CHURC1: variants seen among roughly 807,000 people sequenced by gnomAD.
The protein encoded by CHURC1 is protein Churchill.
In CHURC1, 12 loss-of-function variants were observed where a neutral mutation model predicts 15.4. The observed-to-expected ratio is 0.78, with a 90% confidence interval of 0.50 to 1.27. CHURC1 has a LOEUF of 1.27. CHURC1 is among the 50% of genes most tolerant of loss of function. CHURC1 has a pLI of 0.00. For missense variants in CHURC1, 132 were observed against 137.8 expected, an observed-to-expected ratio of 0.96 and a Z score of 0.21; for synonymous variants, 42 against 47.5, an observed-to-expected ratio of 0.88 and a Z score of 0.48.
chr14:64,922,526 C>T (rs958059863), intron 1 of CHURC1, among the ~76,000 whole-genome samples: 3 of 144,602 alleles, frequency 2.1e-5, no homozygotes, highest in East Asian at 4.0e-4. Context: ...TGCAGTGAGC[C>T]GAGAGTGTGC....
At chr14:64,923,598 T>G (rs1287933681) in intron 1 of CHURC1, among the ~76,000 whole-genome samples, 1 of 152,092 alleles carries the variant, frequency 6.6e-6, no homozygotes, top group African/African-American at 2.4e-5. Flanking sequence ...CTATTTTGAT[T>G]GAATTTAATT....
Position 64,933,699 on chromosome 14 carries a change from C to T in CHURC1, c.*1469C>T, listed in dbSNP as rs935926510. On this transcript the variant is annotated 3_prime_UTR_variant, in exon 4 of 4. Transcript: ENST00000549115. Reference sequence around the variant, plus strand: ...TGAGACCTAAATTTAAAGGGTCAGGCATTAGAAACAAAAGTGTTTCTTCAT... The same window carrying T: ...TGAGACCTAAATTTAAAGGGTCAGGTATTAGAAACAAAAGTGTTTCTTCAT... The T allele has an allele frequency of 3.0e-6, 3 of 985,240 alleles. No homozygotes were observed. The African/African-American group carries it at 5.2e-5, about 17-fold the overall frequency. 61.0% of individuals were successfully genotyped at this position (985,240 alleles called of 1,614,324 possible). A position where few individuals can be genotyped will look rare whatever the true frequency, so the allele number is the denominator to read the frequency against.
At position 64,914,554 on chromosome 14, in the gene CHURC1, C is replaced by T; in HGVS notation, c.39+20C>T. The T allele has an allele frequency of 6.2e-7, 1 of 1,614,036 alleles. No homozygotes were observed. The highest frequency in any genetic ancestry group is 8.5e-7 in the Non-Finnish European group (1 of 1,179,892). On this transcript the variant is annotated intron_variant, in intron 1 of 3. Transcript: ENST00000549115. ...AACCGGGTGAGCGACTGGGCGCTCC[C>T]TTGGCCCGCGGGCGGCCCCCGAGGT...
intron 3 of CHURC1, among the ~76,000 whole-genome samples, chr14:64,926,689 T>C (rs1028646017): frequency 6.6e-6 from 1 of 152,218 alleles, no homozygotes; most frequent in Admixed American, 6.5e-5. Flanking sequence ...TGCAGTCTCA[T>C]TTGTGGTAAG....
At chr14:64,930,691 T>G in intron 3 of CHURC1, 1 of 379,594 alleles carries the variant, frequency 2.6e-6, no homozygotes, top group South Asian at 2.0e-5. Context: ...AGGCACTCAG[T>G]ATAAATTTGT....
At chr14:64,926,405 T>C (rs1473169038) in intron 3 of CHURC1, among the ~76,000 whole-genome samples, 1 of 152,162 alleles carries the variant, frequency 6.6e-6, no homozygotes, top group Non-Finnish European at 1.5e-5. Context: ...GGTGGATTTG[T>C]GTAAACCTGT....
At position 64,932,531 on chromosome 14, in the gene CHURC1, T is replaced by G; in HGVS notation, c.*301T>G. 1 of 1,026,320 alleles carries G rather than the reference T, an allele frequency of 9.7e-7. No individual in the cohort carries two copies. The highest frequency in any genetic ancestry group is 1.2e-6 in the Non-Finnish European group (1 of 841,288). 63.6% of individuals were successfully genotyped at this position (1,026,320 alleles called of 1,614,324 possible). On this transcript the variant is annotated 3_prime_UTR_variant, in exon 4 of 4. Transcript: ENST00000549115. ...CTGGTGCCCAGATTTTGGTTTCCAA[T>G]AAAAGGAACCAGGACTCCTTAGAAA...
intron 3 of CHURC1, among the ~76,000 whole-genome samples, chr14:64,927,944 T>C (rs187857376): frequency 6.6e-6 from 1 of 152,110 alleles, no homozygotes; most frequent in East Asian, 1.9e-4. Flanking sequence ...GTGACCTCAT[T>C]GGCCTTCCCA....
At position 64,932,120 on chromosome 14, in the gene CHURC1, C is replaced by T. The variant is rs1183882896; in HGVS notation, c.247-18C>T. On this transcript the variant is annotated intron_variant, in intron 3 of 3. Transcript: ENST00000549115. ...TTCCCTGTTCCTCTAGGTAATTATG[C>T]ACTTTATCTTGTTCTAGGAGTATAC... 3.1e-6 allele frequency: 5 copies of T among 1,604,960 alleles called. No homozygotes were observed. Among genetic ancestry groups the T allele is most frequent in the Non-Finnish European group, 4.3e-6 (5 of 1,174,452 alleles).
At chr14:64,925,547 G>A (rs181406178) in intron 2 of CHURC1, among the ~76,000 whole-genome samples, 10 of 152,014 alleles carry the variant, frequency 6.6e-5, no homozygotes, top group Middle Eastern at 3.4e-3. Flanking sequence ...GTTGGCACAT[G>A]TCTTGAGCCT....
At chr14:64,927,732 T>TCCCCCC (rs1566830855) in intron 3 of CHURC1, among the ~76,000 whole-genome samples, 16 of 106,648 alleles carry the variant, frequency 1.5e-4, no homozygotes, top group Non-Finnish European at 2.1e-4. Context: ...CCCCCCGCCG[T>TCCCCCC]CAATTCATAC....
chr14:64,932,299 C>T lies in CHURC1; in HGVS notation c.*69C>T. ...CAATACAGCAAGCCTGATGGTTTGT[C>T]TTATTTCATTCATACTGAAAATTCT... On this transcript the variant is annotated 3_prime_UTR_variant, in exon 4 of 4. Coordinates refer to ENST00000549115, the MANE Select transcript of CHURC1 (RefSeq NM_001386928.1). 1.3e-6 allele frequency: 2 copies of T among 1,561,250 alleles called. No homozygotes were observed. Among genetic ancestry groups the T allele is most frequent in the Non-Finnish European group, 1.7e-6 (2 of 1,150,108 alleles).
At chr14:64,917,584 A>C (rs1332974032) in intron 1 of CHURC1, among the ~76,000 whole-genome samples, 2 of 152,258 alleles carry the variant, frequency 1.3e-5, no homozygotes, top group Admixed American at 6.5e-5. Flanking sequence ...AACAAACAAA[A>C]AAAAACCACC....
chr14:64,933,574 A>G lies in CHURC1; in HGVS notation c.*1344A>G, dbSNP rs1382158897. The G allele has an allele frequency of 3.1e-6, 3 of 975,250 alleles. No homozygotes were observed. The African/African-American group carries it at 5.3e-5, about 17-fold the overall frequency. 60.4% of individuals were successfully genotyped at this position (975,250 alleles called of 1,614,324 possible). On this transcript the variant is annotated 3_prime_UTR_variant, in exon 4 of 4. Transcript: ENST00000549115. The stretch of plus-strand genomic sequence containing the variant: ...AAAATTGATATAATACATTCATCAC[A>G]GTATTGTTAGGAGATTTAAATGAAT...
In CHURC1 at chr14:64,933,621, G is replaced by C; in HGVS notation, c.*1391G>C. On this transcript the variant is annotated 3_prime_UTR_variant, in exon 4 of 4. Transcript: ENST00000549115. ...GAATTAGTGAATGTAAGATACTTTA[G>C]AAAGCATGTAAAGTACTAGAAACAA... 3.0e-6 allele frequency: 3 copies of C among 984,454 alleles called. No homozygotes were observed. Among genetic ancestry groups the C allele is most frequent in the Non-Finnish European group, 3.6e-6 (3 of 829,028 alleles). 61.0% of individuals were successfully genotyped at this position (984,454 alleles called of 1,614,324 possible). A position where few individuals can be genotyped will look rare whatever the true frequency, so the allele number is the denominator to read the frequency against.
Position 64,932,143 on chromosome 14 carries a change from TAC to T in CHURC1, c.253_254del (p.Thr85HisfsTer18). 1 of 1,613,728 alleles carries T rather than the reference TAC, an allele frequency of 6.2e-7. No individual in the cohort carries two copies. Among genetic ancestry groups the T allele is most frequent in the South Asian group, 1.1e-5 (1 of 91,040 alleles). ...FSIMDEFQEY[T>X]MLCLLCGKAE... ...TGCACTTTATCTTGTTCTAGGAGTATACCATGCTGTGTCTGTTATGCGGCAAA... is the reference window on the plus strand; with the variant it reads ...TGCACTTTATCTTGTTCTAGGAGTATCATGCTGTGTCTGTTATGCGGCAAA... On this transcript the variant is annotated frameshift_variant, in exon 4 of 4. Coordinates refer to ENST00000549115, the MANE Select transcript of CHURC1 (RefSeq NM_001386928.1). LOFTEE classifies it high-confidence loss of function.
chr14:64,931,775 G>A (rs942093271), intron 3 of CHURC1, among the ~76,000 whole-genome samples: 1 of 152,130 alleles, frequency 6.6e-6, no homozygotes, highest in African/African-American at 2.4e-5. Flanking sequence ...TCAAAAAATT[G>A]TTTCTGTTGT....
chr14:64,929,122 C>G (rs1052438965), intron 3 of CHURC1, among the ~76,000 whole-genome samples: 131 of 152,308 alleles, frequency 8.6e-4, no homozygotes, highest in African/African-American at 2.8e-3. Flanking sequence ...GTTCTGCACA[C>G]TGCCATCAAG....
intron 2 of CHURC1, among the ~76,000 whole-genome samples, chr14:64,925,327 T>C (rs1323933505): frequency 3.3e-5 from 5 of 152,222 alleles, no homozygotes; most frequent in Non-Finnish European, 7.4e-5. Flanking sequence ...TGATTGGATA[T>C]AGTAGCACAG....
Sources: allele counts gnomAD v4.1 joint callset (sites outside exome capture counted in the v4.1 genomes callset), GRCh38; gene constraint gnomAD v4.1.1; transcripts MANE v1.5; gene names NCBI Gene and HGNC (gene_info 2026-07-23, HGNC 2026-07-21).